Variants in IL1RAPL1 observed in about 807,000 individuals in gnomAD.
IL1RAPL1 encodes interleukin-1 receptor accessory protein-like 1.
IL1RAPL1 carries 3 observed loss-of-function variants against 48.4 expected under a neutral mutation model. The observed-to-expected ratio is 0.06, with a 90% confidence interval of 0.03 to 0.16. The LOEUF (loss-of-function observed/expected upper bound fraction) is 0.16, where lower values mean the gene tolerates loss of function less well. Ranked by LOEUF, IL1RAPL1 falls within the 10% of genes least tolerant of loss-of-function variation. IL1RAPL1 has a pLI of 1.00. For missense variants in IL1RAPL1, 349 were observed against 530.6 expected, an observed-to-expected ratio of 0.66 and a Z score of 3.36; for synonymous variants, 185 against 187.7, an observed-to-expected ratio of 0.99 and a Z score of 0.12.
intron 5 of IL1RAPL1, among the ~76,000 whole-genome samples, chrX:29,587,874 T>C (rs1421837564): frequency 1.8e-5 from 2 of 112,192 alleles, no homozygotes; most frequent in Non-Finnish European, 3.8e-5. Flanking sequence ...TACTGTCGAA[T>C]GCCAAATTAT....
At chrX:29,837,250 C>A (rs1931028655) in intron 6 of IL1RAPL1, among the ~76,000 whole-genome samples, 1 of 64,322 alleles carries the variant, frequency 1.6e-5, no homozygotes. Flanking sequence ...GCGATAGAGA[C>A]TGCATCTCAA....
At chrX:28,642,982 A>T (rs904775819) in intron 1 of IL1RAPL1, among the ~76,000 whole-genome samples, 7 of 110,350 alleles carry the variant, frequency 6.3e-5, no homozygotes, top group African/African-American at 2.3e-4. Flanking sequence ...TCCATCTCCC[A>T]GGTTCAAGTG....
chrX:28,694,492 C>A (rs1376515100), intron 1 of IL1RAPL1, among the ~76,000 whole-genome samples: 1 of 111,982 alleles, frequency 8.9e-6, no homozygotes, highest in African/African-American at 3.2e-5. Context: ...CAGGTCAACA[C>A]ATAGGCAGTG....
chrX:29,887,659 A>ATTT (rs59830503), intron 6 of IL1RAPL1, among the ~76,000 whole-genome samples: 2 of 106,305 alleles, frequency 1.9e-5, no homozygotes, highest in African/African-American at 6.8e-5. Context: ...GTTTATTTTC[A>ATTT]TTTTTTTTTT....
chrX:29,229,255 C>T (rs1273272836), intron 2 of IL1RAPL1, among the ~76,000 whole-genome samples: 1 of 111,157 alleles, frequency 9.0e-6, no homozygotes, highest in African/African-American at 3.3e-5. Context: ...AACCCAATGT[C>T]AGTCTTTGTT....
At chrX:29,177,372 C>A (rs1219250221) in intron 2 of IL1RAPL1, among the ~76,000 whole-genome samples, 1 of 111,820 alleles carries the variant, frequency 8.9e-6, no homozygotes, top group Non-Finnish European at 1.9e-5. Flanking sequence ...TTACACTGAA[C>A]TTCTCCCAAA....
intron 2 of IL1RAPL1, among the ~76,000 whole-genome samples, chrX:28,923,213 A>G (rs765832229): frequency 8.2e-5 from 9 of 109,443 alleles, no homozygotes; most frequent in Non-Finnish European, 1.7e-4. Flanking sequence ...TTTCGCTCTT[A>G]TTGCCCAGGC....
Position 29,129,846 on chromosome X carries a change from G to A in IL1RAPL1, c.83-153092G>A, listed in dbSNP as rs775811883. 1.0e-4 allele frequency among the ~76,000 whole-genome samples: 11 copies of A among 110,416 alleles called. No homozygotes were observed. The South Asian group carries it at 1.1e-3, about 12-fold the overall frequency. On this transcript the variant is annotated intron_variant, in intron 2 of 10. Transcript: ENST00000378993. ...CCTGACCTCATGATCCGCCCGCCTCGGCCTCCCAAAGTGCTGGGATTACAG... is the reference window on the plus strand; with the variant it reads ...CCTGACCTCATGATCCGCCCGCCTCAGCCTCCCAAAGTGCTGGGATTACAG...
intron 1 of IL1RAPL1, among the ~76,000 whole-genome samples, chrX:28,726,370 A>G (rs893805000): frequency 8.9e-6 from 1 of 112,517 alleles, no homozygotes; most frequent in Non-Finnish European, 1.9e-5. Flanking sequence ...ATTATTAACA[A>G]CATTGCACGC....
intron 2 of IL1RAPL1, among the ~76,000 whole-genome samples, chrX:28,967,399 C>T (rs1924947153): frequency 1.8e-5 from 2 of 110,665 alleles, no homozygotes; most frequent in Admixed American, 1.9e-4. Flanking sequence ...TCCTTCTTTA[C>T]CCTTATATCT....
intron 3 of IL1RAPL1, among the ~76,000 whole-genome samples, chrX:29,321,185 C>A (rs968392442): frequency 2.7e-5 from 3 of 111,935 alleles, no homozygotes; most frequent in Non-Finnish European, 5.6e-5. Context: ...GAGTGGTGAT[C>A]TGTGTTCCTT....
intron 2 of IL1RAPL1, among the ~76,000 whole-genome samples, chrX:28,841,722 T>G (rs774611503): frequency 9.0e-6 from 1 of 110,774 alleles, no homozygotes; most frequent in African/African-American, 3.3e-5. Context: ...AAAACACATT[T>G]TTTTTTCTAT....
intron 2 of IL1RAPL1, among the ~76,000 whole-genome samples, chrX:28,978,981 C>T (rs1925268419): frequency 9.0e-6 from 1 of 111,560 alleles, no homozygotes; most frequent in Non-Finnish European, 1.9e-5. Context: ...CATCTGGAGA[C>T]TTAGAAGGTG....
At chrX:29,001,451 A>G (rs1255023379) in intron 2 of IL1RAPL1, among the ~76,000 whole-genome samples, 1 of 111,322 alleles carries the variant, frequency 9.0e-6, no homozygotes, top group Admixed American at 9.5e-5. Flanking sequence ...AAGGCCACAT[A>G]TCCGTCATGG....
intron 2 of IL1RAPL1, among the ~76,000 whole-genome samples, chrX:28,894,625 TATG>T (rs1922858950): frequency 9.0e-6 from 1 of 110,637 alleles, no homozygotes; most frequent in Non-Finnish European, 1.9e-5. Context: ...TTTTAGGAGT[TATG>T]AGAACTGTAG....
intron 6 of IL1RAPL1, among the ~76,000 whole-genome samples, chrX:29,846,801 TACACAC>T (rs5901934): frequency 1.0e-5 from 1 of 99,548 alleles, no homozygotes; most frequent in Non-Finnish European, 2.0e-5. Flanking sequence ...TATATGTATA[TACACAC>T]ACACACACAC....
intron 6 of IL1RAPL1, among the ~76,000 whole-genome samples, chrX:29,801,574 G>C (rs1235439671): frequency 5.3e-5 from 6 of 112,296 alleles, no homozygotes; most frequent in Non-Finnish European, 9.4e-5. Flanking sequence ...TATGAGCTGA[G>C]CTTGAAGTCC....
chrX:29,489,286 G>C (rs1342490618), intron 5 of IL1RAPL1, among the ~76,000 whole-genome samples: 4 of 78,373 alleles, frequency 5.1e-5, no homozygotes, highest in African/African-American at 2.0e-4. Flanking sequence ...ACATTACATT[G>C]TACACTGTAC....
At chrX:29,409,312 T>C (rs1019190366) in intron 5 of IL1RAPL1, among the ~76,000 whole-genome samples, 1 of 112,154 alleles carries the variant, frequency 8.9e-6, no homozygotes, top group African/African-American at 3.2e-5. Flanking sequence ...TAAGTAAATA[T>C]CTGCCATATT....
Sources: allele counts gnomAD v4.1 joint callset (sites outside exome capture counted in the v4.1 genomes callset), GRCh38; gene constraint gnomAD v4.1.1; transcripts MANE v1.5; gene names NCBI Gene and HGNC (gene_info 2026-07-23, HGNC 2026-07-21).